BMERB1: variants seen among roughly 807,000 people sequenced by gnomAD.
BMERB1 encodes the protein bMERB domain containing 1.
In BMERB1, 12 loss-of-function variants were observed where a neutral mutation model predicts 23.6. The observed-to-expected ratio is 0.51, with a 90% CI of 0.33 to 0.82. The LOEUF (loss-of-function observed/expected upper bound fraction) is 0.82. BMERB1 is among the 40% of genes least tolerant of loss of function. The pLI is 0.03. For missense variants in BMERB1, 247 were observed against 255.4 expected (o/e 0.97, Z 0.22); for synonymous variants, 122 against 96.6 (o/e 1.26, Z -1.54).
At chr16:15,500,999 A>G (rs1277003536) in intron 1 of BMERB1, among the ~76,000 whole-genome samples, 1 of 152,102 alleles carries the variant, frequency 6.6e-6, no homozygotes, top group Non-Finnish European at 1.5e-5. Context: ...TGGACTTAAG[A>G]CTTCCATACT....
chr16:15,562,397 T>C (rs768834742), intron 2 of BMERB1, among the ~76,000 whole-genome samples: 27 of 152,064 alleles, frequency 1.8e-4, no homozygotes, highest in Non-Finnish European at 3.7e-4. Context: ...GAGCCAGAGT[T>C]GTTTGGTGCC....
At chr16:15,481,849 C>G (rs756869797) in intron 1 of BMERB1, among the ~76,000 whole-genome samples, 1 of 151,574 alleles carries the variant, frequency 6.6e-6, no homozygotes, top group Non-Finnish European at 1.5e-5. Flanking sequence ...CTCAGCCTCC[C>G]AAGTAGCTGG....
intron 1 of BMERB1, among the ~76,000 whole-genome samples, chr16:15,453,372 G>C (rs947133857): frequency 6.6e-6 from 1 of 152,154 alleles, no homozygotes; most frequent in Non-Finnish European, 1.5e-5. Context: ...GAGCCCAGGA[G>C]TTCAAGGCCA....
At chr16:15,517,949 G>A (rs1485001891) in intron 2 of BMERB1, among the ~76,000 whole-genome samples, 2 of 150,740 alleles carry the variant, frequency 1.3e-5, no homozygotes, top group African/African-American at 4.9e-5. Flanking sequence ...GTGTGGGTGT[G>A]TGTGTGGATG....
intron 1 of BMERB1, among the ~76,000 whole-genome samples, chr16:15,472,741 A>G (rs1490810823): frequency 2.0e-5 from 3 of 152,112 alleles, no homozygotes; most frequent in African/African-American, 7.2e-5. Context: ...ATTTAAGGCA[A>G]TTATTAATGT....
At chr16:15,456,894 C>T (rs934897162) in intron 1 of BMERB1, among the ~76,000 whole-genome samples, 9 of 152,028 alleles carry the variant, frequency 5.9e-5, no homozygotes, top group Admixed American at 2.6e-4. Context: ...GGCGCAATCT[C>T]GGCTCACTAC....
Position 15,550,677 on chromosome 16 carries a change from T to C in BMERB1, c.231-17306T>C, listed in dbSNP as rs547002921. 3.3e-5 allele frequency among the ~76,000 whole-genome samples: 5 copies of C among 152,026 alleles called. No homozygotes were observed. The South Asian group carries it at 1.0e-3, about 32-fold the overall frequency. Reference sequence around the variant, plus strand: ...AAGGCTCCTGACTGAAAGAACGGGATAAAGTAAGGGGGTATGGGAACAGAA... The same window carrying C: ...AAGGCTCCTGACTGAAAGAACGGGACAAAGTAAGGGGGTATGGGAACAGAA... On this transcript the variant is annotated intron_variant, in intron 2 of 5. Coordinates refer to ENST00000300006, the MANE Select transcript of BMERB1 (RefSeq NM_033201.3).
At chr16:15,558,685 TATA>T (rs1015478584) in intron 2 of BMERB1, among the ~76,000 whole-genome samples, 1 of 151,454 alleles carries the variant, frequency 6.6e-6, no homozygotes, top group African/African-American at 2.4e-5. Context: ...CATAATGACA[TATA>T]GTGACATATG....
At chr16:15,502,513 G>A (rs1244185538) in intron 1 of BMERB1, 11 of 755,204 alleles carry the variant, frequency 1.5e-5, no homozygotes, top group African/African-American at 5.2e-5. Flanking sequence ...AGCAACGGGC[G>A]GCTTCCCATT....
At chr16:15,477,209 G>A (rs1314087426) in intron 1 of BMERB1, among the ~76,000 whole-genome samples, 1 of 152,092 alleles carries the variant, frequency 6.6e-6, no homozygotes, top group Non-Finnish European at 1.5e-5. Flanking sequence ...TGTGTGGAAG[G>A]CACCTCTTCA....
intron 5 of BMERB1, among the ~76,000 whole-genome samples, chr16:15,583,599 G>C (rs1003134349): frequency 7.7e-5 from 10 of 130,290 alleles, no homozygotes; most frequent in Admixed American, 6.7e-4. Flanking sequence ...AAAAAAAAAA[G>C]GCCATTTCAG....
chr16:15,576,519 G>A (rs1327378494), intron 3 of BMERB1, among the ~76,000 whole-genome samples: 11 of 152,118 alleles, frequency 7.2e-5, no homozygotes, highest in Non-Finnish European at 1.6e-4. Flanking sequence ...TTACTGGAAG[G>A]ACAGTGGAGT....
intron 2 of BMERB1, chr16:15,533,085 G>A (rs1351314726): frequency 2.2e-6 from 1 of 448,790 alleles, no homozygotes; most frequent in East Asian, 7.0e-5. Flanking sequence ...TGGTCATGAG[G>A]AGTAAAAGAG....
chr16:15,515,694 A>C (rs1052811579), intron 2 of BMERB1, among the ~76,000 whole-genome samples: 4 of 152,104 alleles, frequency 2.6e-5, no homozygotes, highest in African/African-American at 9.7e-5. Flanking sequence ...GGGAAGAAAG[A>C]GGGAAGGGAA....
At chr16:15,535,844 A>C (rs951324068) in intron 2 of BMERB1, among the ~76,000 whole-genome samples, 1 of 152,108 alleles carries the variant, frequency 6.6e-6, no homozygotes, top group Non-Finnish European at 1.5e-5. Context: ...GAAACTTACA[A>C]TCATGGCAGA....
chr16:15,491,680 G>A (rs1019144507), intron 1 of BMERB1, among the ~76,000 whole-genome samples: 1 of 152,008 alleles, frequency 6.6e-6, no homozygotes, highest in African/African-American at 2.4e-5. Context: ...GGATCTCACT[G>A]TGTTGTCACC....
At chr16:15,481,700 T>C (rs1428976625) in intron 1 of BMERB1, among the ~76,000 whole-genome samples, 1 of 151,900 alleles carries the variant, frequency 6.6e-6, no homozygotes, top group Non-Finnish European at 1.5e-5. Context: ...ATATTGCTTG[T>C]GTACTTATTT....
chr16:15,526,120 C>T (rs557984055), intron 2 of BMERB1, among the ~76,000 whole-genome samples: 1 of 152,218 alleles, frequency 6.6e-6, no homozygotes, highest in South Asian at 2.1e-4. Context: ...AGTGGCTACC[C>T]TATTGGAAAG....
chr16:15,480,119 T>A (rs552252693), intron 1 of BMERB1, among the ~76,000 whole-genome samples: 12 of 142,372 alleles, frequency 8.4e-5, no homozygotes, highest in African/African-American at 3.0e-4. Context: ...ATTTTATTAA[T>A]TTTTTTTTTT....
Sources: allele counts gnomAD v4.1 joint callset (sites outside exome capture counted in the v4.1 genomes callset), GRCh38; gene constraint gnomAD v4.1.1; transcripts MANE v1.5; gene names NCBI Gene and HGNC (gene_info 2026-07-23, HGNC 2026-07-21).